The following PRTFDC1 variants were observed in gnomAD, a reference collection of about 807,000 sequenced individuals.
The protein encoded by PRTFDC1 is phosphoribosyltransferase domain-containing protein 1.
A neutral mutation model predicts 34.6 loss-of-function variants in PRTFDC1; 38 were observed. The ratio of observed to expected loss-of-function variants is 1.10; its 90% CI spans 0.85 to 1.44. The LOEUF is 1.44. Ranked by LOEUF, PRTFDC1 falls within the 40% of genes most tolerant of loss-of-function variation. The pLI is 0.00. For synonymous variants in PRTFDC1, 93 were observed against 98.1 expected (o/e 0.95, Z 0.31); for missense variants, 270 against 283.0 (o/e 0.95, Z 0.33).
chr10:24,873,829 A>G (rs947239148), intron 3 of PRTFDC1, among the ~76,000 whole-genome samples: 3 of 151,630 alleles, frequency 2.0e-5, no homozygotes, highest in South Asian at 4.2e-4. Context: ...CCAGTAGGAC[A>G]GTTTTGCCAA....
At chr10:24,882,774 G>T (rs1848100345) in intron 3 of PRTFDC1, among the ~76,000 whole-genome samples, 1 of 151,346 alleles carries the variant, frequency 6.6e-6, no homozygotes, top group Non-Finnish European at 1.5e-5. Context: ...CCAAGTAGCT[G>T]GGACTACAGG....
chr10:24,852,850 C>T (rs960986786), intron 7 of PRTFDC1, among the ~76,000 whole-genome samples: 2 of 151,962 alleles, frequency 1.3e-5, no homozygotes, highest in Non-Finnish European at 2.9e-5. Context: ...ACCAACGATG[C>T]TTTCACAAGA....
chr10:24,865,339 C>T (rs150432691), intron 4 of PRTFDC1, among the ~76,000 whole-genome samples: 271 of 152,244 alleles, frequency 1.8e-3, no homozygotes, highest in African/African-American at 5.9e-3. Flanking sequence ...TAATTTTGCA[C>T]TAAGCAATTT....
intron 3 of PRTFDC1, among the ~76,000 whole-genome samples, chr10:24,874,434 T>C (rs978691288): frequency 6.6e-6 from 1 of 152,170 alleles, no homozygotes; most frequent in Non-Finnish European, 1.5e-5. Flanking sequence ...ACATTAGACT[T>C]AAATATGTTG....
chr10:24,903,481 G>C (rs550190748), intron 3 of PRTFDC1, among the ~76,000 whole-genome samples: 3 of 152,182 alleles, frequency 2.0e-5, no homozygotes, highest in East Asian at 1.9e-4. Flanking sequence ...TTTTTAAAAG[G>C]TGCCAAGTAT....
At chr10:24,889,414 C>T (rs1448662547) in intron 3 of PRTFDC1, among the ~76,000 whole-genome samples, 5 of 152,080 alleles carry the variant, frequency 3.3e-5, no homozygotes, top group East Asian at 3.9e-4. Context: ...GCAGCCCATA[C>T]GGACTAAGAC....
intron 3 of PRTFDC1, among the ~76,000 whole-genome samples, chr10:24,935,024 A>G (rs1366789207): frequency 6.6e-6 from 1 of 152,200 alleles, no homozygotes; most frequent in African/African-American, 2.4e-5. Context: ...AAGAAAACGT[A>G]TCTGTGGTTT....
At chr10:24,872,817 T>A (rs1453105785) in intron 3 of PRTFDC1, among the ~76,000 whole-genome samples, 10 of 140,318 alleles carry the variant, frequency 7.1e-5, no homozygotes, top group African/African-American at 2.4e-4. Flanking sequence ...TTTTTTTTTT[T>A]TTTTTTTTTT....
At chr10:24,862,034 T>C (rs1847688463) in intron 4 of PRTFDC1, among the ~76,000 whole-genome samples, 1 of 152,090 alleles carries the variant, frequency 6.6e-6, no homozygotes. Flanking sequence ...TATATAAATA[T>C]AAAACATTAT....
intron 3 of PRTFDC1, among the ~76,000 whole-genome samples, chr10:24,876,389 TTAA>T (rs995857454): frequency 2.0e-5 from 3 of 152,152 alleles, no homozygotes; most frequent in Non-Finnish European, 4.4e-5. Context: ...CTAGACAGGA[TTAA>T]TTTCTTTTTA....
intron 3 of PRTFDC1, among the ~76,000 whole-genome samples, chr10:24,923,384 A>G (rs1271580134): frequency 1.3e-5 from 2 of 152,182 alleles, no homozygotes; most frequent in Non-Finnish European, 2.9e-5. Context: ...TGACTGGGAG[A>G]CACTCCCAAA....
At chr10:24,894,379 T>A (rs992392402) in intron 3 of PRTFDC1, among the ~76,000 whole-genome samples, 1 of 150,954 alleles carries the variant, frequency 6.6e-6, no homozygotes, top group African/African-American at 2.4e-5. Context: ...AGGGCACTGC[T>A]GGCCCTTTGG....
chr10:24,877,409 G>A (rs778252024), intron 3 of PRTFDC1, among the ~76,000 whole-genome samples: 8 of 152,132 alleles, frequency 5.3e-5, no homozygotes, highest in Non-Finnish European at 1.0e-4. Flanking sequence ...TTTAATGAAC[G>A]TCGCTGGTTT....
chr10:24,941,732 A>AATG (rs1353902445), intron 2 of PRTFDC1, among the ~76,000 whole-genome samples: 3 of 152,186 alleles, frequency 2.0e-5, no homozygotes, highest in Non-Finnish European at 2.9e-5. Flanking sequence ...TCAGGTAAGA[A>AATG]ATGCAAGAAT....
intron 4 of PRTFDC1, among the ~76,000 whole-genome samples, chr10:24,871,254 G>A (rs1271887809): frequency 6.6e-6 from 1 of 152,074 alleles, no homozygotes; most frequent in Admixed American, 6.6e-5. Flanking sequence ...AAGCCAAGCA[G>A]TTCAGGGATA....
At chr10:24,942,121 A>G (rs540603949) in intron 2 of PRTFDC1, among the ~76,000 whole-genome samples, 1 of 152,322 alleles carries the variant, frequency 6.6e-6, no homozygotes, top group Non-Finnish European at 1.5e-5. Flanking sequence ...TTCTTACCAT[A>G]TTACCATACC....
At chr10:24,879,101 T>A (rs1458327827) in intron 3 of PRTFDC1, among the ~76,000 whole-genome samples, 3 of 152,202 alleles carry the variant, frequency 2.0e-5, no homozygotes, top group Admixed American at 6.5e-5. Context: ...TGGCTCGAAT[T>A]GATTTTTTTC....
chr10:24,864,036 T>C (rs12413106), intron 4 of PRTFDC1, among the ~76,000 whole-genome samples: 20,153 of 146,770 alleles, frequency 0.14, 1,539 homozygotes, highest in South Asian at 0.21. Context: ...AAAAAAAGAC[T>C]TTAGTGGAGG....
intron 3 of PRTFDC1, among the ~76,000 whole-genome samples, chr10:24,923,912 T>G (rs1848831410): frequency 6.6e-6 from 1 of 152,032 alleles, no homozygotes; most frequent in Non-Finnish European, 1.5e-5. Flanking sequence ...TGAAAAAAGG[T>G]TAGATAAATG....
Sources: allele counts gnomAD v4.1 joint callset (sites outside exome capture counted in the v4.1 genomes callset), GRCh38; gene constraint gnomAD v4.1.1; transcripts MANE v1.5; gene names NCBI Gene and HGNC (gene_info 2026-07-23, HGNC 2026-07-21).